Variants in ACTL6A observed in about 807,000 individuals in gnomAD.
The protein encoded by ACTL6A is actin-like protein 6A.
In ACTL6A, 5 loss-of-function variants were observed where a neutral mutation model predicts 59.2. The observed-to-expected ratio is 0.08, with a 90% CI of 0.04 to 0.18. The LOEUF (loss-of-function observed/expected upper bound fraction) is 0.18. Ranked by LOEUF, ACTL6A falls within the 10% of genes least tolerant of loss-of-function variation. The pLI, the probability that ACTL6A is intolerant of heterozygous loss-of-function variation, is 1.00. For synonymous variants in ACTL6A, 154 were observed against 171.8 expected (o/e 0.90, Z 0.81); for missense variants, 285 against 526.9 (o/e 0.54, Z 4.49).
intron 13 of ACTL6A, among the ~76,000 whole-genome samples, chr3:179,587,112 G>T (rs1040536326): frequency 7.9e-5 from 12 of 152,112 alleles, no homozygotes; most frequent in South Asian, 6.2e-4. Flanking sequence ...AAAAGTCCTT[G>T]TACTTTTCTG....
At position 179,587,934 on chromosome 3, in the gene ACTL6A, C is replaced by G. The variant is rs1420696242; in HGVS notation, c.1214C>G (p.Thr405Ser). 1 of 1,603,602 alleles carries G rather than the reference C, an allele frequency of 6.2e-7. No individual in the cohort carries two copies. The highest frequency in any genetic ancestry group is 2.3e-5 in the East Asian group (1 of 44,254). Residue 405 changes from threonine to serine, a missense_variant, in exon 14 of 14, where the codon ACC becomes AGC. Physicochemically the swap from Thr to Ser is moderately conservative, Grantham distance 58. Coordinates refer to ENST00000429709, the MANE Select transcript of ACTL6A (RefSeq NM_004301.5). ...AAATTTCTTTCCATTTTACAGGGTA[C>G]CTTTCAACAGATGTGGATTTCCAAG... is the stretch of plus-strand genomic sequence containing the variant. ...IGGSILASLG[T>S]FQQMWISKQE... is the part of the protein sequence containing the mutation.
Position 179,563,048 on chromosome 3 carries a change from C to T in ACTL6A, c.-45C>T, listed in dbSNP as rs1206009496. Reference sequence around the variant, plus strand: ...CTCGCAGTCGCGGCCACTGCAGTCACTTCGCCAGTTAGCCCTTAGGGTAGG... The same window carrying T: ...CTCGCAGTCGCGGCCACTGCAGTCATTTCGCCAGTTAGCCCTTAGGGTAGG... On this transcript the variant is annotated 5_prime_UTR_variant, in exon 1 of 14. Transcript: ENST00000429709. 1.2e-6 allele frequency: 2 copies of T among 1,606,888 alleles called. No individual in the cohort carries two copies. The highest frequency in any genetic ancestry group is 4.5e-5 in the East Asian group (2 of 44,754).
rs747140956 is a variant in ACTL6A at position 179,569,866 on chromosome 3, T to C, written c.68T>C (p.Val23Ala). ...GTTTTTGACATTGGATCCTATACTG[T>C]GAGAGCTGGTTATGCTGGTGAGGAC... Reference protein sequence around the residue: ...ALVFDIGSYTVRAGYAGEDCP... With the variant: ...ALVFDIGSYTARAGYAGEDCP... The change falls in exon 2 of 14, where the codon GTG (valine) becomes GCG (alanine). Residue 23 changes from valine to alanine, a missense_variant. Val to Ala is a moderately conservative substitution (Grantham distance 64). Coordinates refer to ENST00000429709, the MANE Select transcript of ACTL6A (RefSeq NM_004301.5). 6.2e-7 allele frequency: 1 copy of C among 1,613,894 alleles called. No homozygotes were observed. Among genetic ancestry groups the C allele is most frequent in the East Asian group, 2.2e-5 (1 of 44,892 alleles).
intron 1 of ACTL6A, among the ~76,000 whole-genome samples, chr3:179,563,670 T>G (rs951176107): frequency 6.6e-6 from 1 of 152,242 alleles, no homozygotes; most frequent in African/African-American, 2.4e-5. Flanking sequence ...CTGCGCCCCA[T>G]GCGCGAGCTG....
At chr3:179,581,300 G>A (rs1330540608) in intron 11 of ACTL6A, 80 bp downstream of exon 11, 27 of 1,126,690 alleles carry the variant, frequency 2.4e-5, no homozygotes, top group East Asian at 2.4e-5. Flanking sequence ...TAGGTTGACA[G>A]TGATCTAATG....
At chr3:179,583,151 G>A (rs1483024768) in intron 11 of ACTL6A, 1 of 369,126 alleles carries the variant, frequency 2.7e-6, no homozygotes, top group Non-Finnish European at 4.9e-6. Context: ...AGGAATTTGT[G>A]TTTTAAAAGC....
At chr3:179,579,815 C>T (rs1200738951) in intron 8 of ACTL6A, among the ~76,000 whole-genome samples, 1 of 152,180 alleles carries the variant, frequency 6.6e-6, no homozygotes, top group Admixed American at 6.5e-5. Flanking sequence ...CAGGGTCTCT[C>T]TCTGTCACCC....
In ACTL6A at chr3:179,570,290, T is replaced by G. The variant is rs1462260984; in HGVS notation, c.277+49T>G. The G allele has an allele frequency of 6.8e-7, 1 of 1,475,832 alleles. No individual in the cohort carries two copies. The highest frequency in any genetic ancestry group is 1.4e-5 in the African/African-American group (1 of 70,432). The allele number at this position is 1,475,832 out of a possible 1,614,324, so 91.4% of individuals were successfully genotyped here. On this transcript the variant is annotated intron_variant, in intron 3 of 13. Coordinates refer to ENST00000429709, the MANE Select transcript of ACTL6A (RefSeq NM_004301.5). This position sits in a 1 kb window ranked among gnomAD's most constrained non-coding sequence, Gnocchi z 4.3. ...TGATTATGGAGTGTACATGTTATAT[T>G]TTAGATACAAAGTAGTAGCTTCCTA...
At position 179,570,088 on chromosome 3, in the gene ACTL6A, G is replaced by A. The variant is rs769930841; in HGVS notation, c.124G>A (p.Gly42Ser). ...ACAGGTGGATTTTCCTACAGCTATT[G>A]GTATGGTGGTAGAAAGAGATGACGG... Reference protein sequence around the residue: ...CPKVDFPTAIGMVVERDDGST... With the variant: ...CPKVDFPTAISMVVERDDGST... The change falls in exon 3 of 14, where the codon GGT becomes AGT. Residue 42 changes from glycine to serine, a missense_variant. Physicochemically the swap from Gly to Ser is moderately conservative, Grantham distance 56. Transcript: ENST00000429709. The surrounding 1 kb of genome is among the most constrained non-coding windows in gnomAD (Gnocchi z 4.3). 1 of 1,613,942 alleles carries A rather than the reference G, an allele frequency of 6.2e-7. No individual in the cohort carries two copies. Among genetic ancestry groups the A allele is most frequent in the Non-Finnish European group, 8.5e-7 (1 of 1,179,966 alleles).
At chr3:179,569,091 C>T (rs1224906422) in intron 1 of ACTL6A, among the ~76,000 whole-genome samples, 2 of 152,132 alleles carry the variant, frequency 1.3e-5, no homozygotes. Context: ...CCACTTTGGA[C>T]AATAAATTAT....
At chr3:179,579,149 CT>C (rs966026167) in intron 8 of ACTL6A, among the ~76,000 whole-genome samples, 2 of 152,058 alleles carry the variant, frequency 1.3e-5, no homozygotes, top group Non-Finnish European at 2.9e-5. Context: ...TGATATTGAG[CT>C]TTTTTTCATA....
intron 5 of ACTL6A, 57 bp from the exon 6 acceptor site, chr3:179,576,160 C>A: frequency 7.9e-7 from 1 of 1,265,656 alleles, no homozygotes; most frequent in Non-Finnish European, 1.2e-6. Context: ...CTGCCCTTTA[C>A]AATAAACATT....
At chr3:179,576,096 T>A (rs555580592) in intron 5 of ACTL6A, 121 bp from the exon 6 acceptor site, 25 of 694,902 alleles carry the variant, frequency 3.6e-5, no homozygotes, top group Non-Finnish European at 5.3e-5. Flanking sequence ...CTGTAATACA[T>A]TTTTAACTAT....
intron 8 of ACTL6A, among the ~76,000 whole-genome samples, chr3:179,579,319 T>C (rs1718261674): frequency 6.6e-6 from 1 of 152,222 alleles, no homozygotes; most frequent in South Asian, 2.1e-4. Context: ...TTCTGTAGGT[T>C]GTTTGCTTAC....
At position 179,586,539 on chromosome 3, in the gene ACTL6A, A is replaced by G. The variant is rs1391809650; in HGVS notation, c.1123-7A>G. Reference sequence around the variant, plus strand: ...TGATTGTACTAATGCATATTCTTCTATTTCAGAGTATGCGGTTGAAATTGA... The same window carrying G: ...TGATTGTACTAATGCATATTCTTCTGTTTCAGAGTATGCGGTTGAAATTGA... On this transcript the variant is annotated splice_region_variant and splice_polypyrimidine_tract_variant and intron_variant, in intron 12 of 13. Transcript: ENST00000429709. 5.7e-6 allele frequency: 9 copies of G among 1,569,902 alleles called. No individual in the cohort carries two copies. Among genetic ancestry groups the G allele is most frequent in the Middle Eastern group, 1.7e-4 (1 of 5,856 alleles).
intron 12 of ACTL6A, among the ~76,000 whole-genome samples, chr3:179,586,166 T>C (rs1718480812): frequency 6.6e-6 from 1 of 152,242 alleles, no homozygotes; most frequent in African/African-American, 2.4e-5. Context: ...TTTTTAAAGT[T>C]TGTATGTTTT....
chr3:179,582,169 C>T (rs934505715), intron 11 of ACTL6A, among the ~76,000 whole-genome samples: 5 of 152,064 alleles, frequency 3.3e-5, no homozygotes, highest in East Asian at 1.9e-4. Context: ...ATTTTTTTAG[C>T]GCAAATACAA....
chr3:179,583,433 T>C lies in ACTL6A; in HGVS notation c.1107T>C (p.Ser369=). The change falls in exon 12 of 14, where the codon TCT becomes TCC. Residue 369 remains serine (S), a synonymous_variant. Coordinates refer to ENST00000429709, the MANE Select transcript of ACTL6A (RefSeq NM_004301.5). ...SFTDRLNREL[S]QKTPPSMRLK... ...CTGACAGGTTGAATAGAGAGCTGTC[T>C]CAGAAAACTCCTCCAGTAAGTTCTG... 6.2e-7 allele frequency: 1 copy of C among 1,612,372 alleles called. No individual in the cohort carries two copies. The highest frequency in any genetic ancestry group is 8.5e-7 in the Non-Finnish European group (1 of 1,178,802).
intron 1 of ACTL6A, among the ~76,000 whole-genome samples, chr3:179,563,336 T>C (rs902544772): frequency 3.3e-5 from 5 of 151,464 alleles, no homozygotes; most frequent in Admixed American, 6.6e-5. Context: ...CTCTGTGGCC[T>C]CTTCCTGCCT....
Sources: gnomAD v4.1 joint callset for allele counts (sites outside exome capture counted in the v4.1 genomes callset) on GRCh38, gnomAD v4.1.1 for gene constraint, Gnocchi (gnomAD v3.1) non-coding constraint, MANE v1.5 for transcripts, NCBI Gene and HGNC (gene_info 2026-07-23, HGNC 2026-07-21) for gene names.